The following FARP1 variants were observed in gnomAD, a reference collection of about 807,000 sequenced individuals.
FARP1 encodes FERM, ARH/RhoGEF and pleckstrin domain protein 1, also known as FERM, ARHGEF and pleckstrin domain-containing protein 1.
In FARP1, 52 loss-of-function variants were observed where a neutral mutation model predicts 128.8. The ratio of observed to expected loss-of-function variants is 0.40; its 90% CI spans 0.32 to 0.51. The LOEUF is 0.51. Ranked by LOEUF, FARP1 falls within the 20% of genes least tolerant of loss-of-function variation. FARP1 has a pLI of 0.45. For synonymous variants in FARP1, 580 were observed against 551.8 expected, an observed-to-expected ratio of 1.05 and a Z score of -0.72; for missense variants, 1,333 against 1,367.9, an observed-to-expected ratio of 0.97 and a Z score of 0.40.
chr13:98,171,203 C>A lies in FARP1; in HGVS notation c.-24+27711C>A, dbSNP rs369164278. 5.2e-4 allele frequency among the ~76,000 whole-genome samples: 79 copies of A among 152,326 alleles called. No individual in the cohort carries two copies. The South Asian group carries it at 0.016, about 31-fold the overall frequency. ...CATTTTCAGCCCTGAATTACACACACCCTCTTCGTCATTGTGCCTGGCGTA... is the reference window on the plus strand; with the variant it reads ...CATTTTCAGCCCTGAATTACACACAACCTCTTCGTCATTGTGCCTGGCGTA... On this transcript the variant is annotated intron_variant, in intron 1 of 26. Coordinates refer to ENST00000319562, the MANE Select transcript of FARP1 (RefSeq NM_005766.4).
intron 7 of FARP1, 140 bp downstream of exon 7, chr13:98,384,984 C>T (rs1309645197): frequency 3.2e-6 from 2 of 620,030 alleles, no homozygotes; most frequent in East Asian, 2.7e-5. Flanking sequence ...ATCACAGAGG[C>T]TCATTGGGAT....
chr13:98,310,077 C>T (rs1376994913), intron 2 of FARP1, among the ~76,000 whole-genome samples: 3 of 54,418 alleles, frequency 5.5e-5, no homozygotes, highest in Non-Finnish European at 9.4e-5. Flanking sequence ...TAATAGATTA[C>T]ATGTTTTTTT....
Position 98,454,922 on chromosome 13 carries a change from A to G in FARP1, c.*6605A>G, listed in dbSNP as rs1365615255. 6.6e-6 allele frequency: 1 copy of G among 152,300 alleles called. No individual in the cohort carries two copies. Among genetic ancestry groups the G allele is most frequent in the African/African-American group, 2.4e-5 (1 of 41,462 alleles). 9.4% of individuals were successfully genotyped at this position (152,300 alleles called of 1,614,324 possible). ...AGAGAGCACCAACTTGGCTTCCCCC[A>G]TGCATCACTGCAAAGTAAAGTTTTA... On this transcript the variant is annotated 3_prime_UTR_variant, in exon 27 of 27. Transcript: ENST00000319562.
intron 1 of FARP1, among the ~76,000 whole-genome samples, chr13:98,151,630 G>A (rs1236843080): frequency 1.4e-5 from 2 of 139,048 alleles, no homozygotes; most frequent in Non-Finnish European, 3.1e-5. Flanking sequence ...TTGTTGAAGC[G>A]AGACAAACCT....
intron 2 of FARP1, among the ~76,000 whole-genome samples, chr13:98,222,933 GC>G (rs1031170153): frequency 2.0e-5 from 3 of 152,038 alleles, no homozygotes; most frequent in Admixed American, 2.0e-4. Context: ...ACCGTGCCTG[GC>G]CGGAAGGTGC....
At chr13:98,207,541 C>T (rs964828226) in intron 1 of FARP1, among the ~76,000 whole-genome samples, 1 of 151,938 alleles carries the variant, frequency 6.6e-6, no homozygotes, top group Admixed American at 6.6e-5. Context: ...CTGCCGTCAT[C>T]GGCTCCCTGG....
intron 16 of FARP1, 102 bp downstream of exon 16, chr13:98,412,136 G>C: frequency 8.7e-7 from 1 of 1,145,640 alleles, no homozygotes; most frequent in South Asian, 1.4e-5. Context: ...AAAGATGAAA[G>C]GCAGGAAACT....
intron 2 of FARP1, among the ~76,000 whole-genome samples, chr13:98,293,816 G>A (rs556686325): frequency 6.6e-6 from 1 of 152,234 alleles, no homozygotes; most frequent in South Asian, 2.1e-4. Flanking sequence ...GGAAGAAAGG[G>A]CCAGGCATCC....
intron 1 of FARP1, among the ~76,000 whole-genome samples, chr13:98,208,045 C>A (rs900723010): frequency 1.3e-5 from 2 of 150,634 alleles, no homozygotes; most frequent in African/African-American, 2.4e-5. Flanking sequence ...TCTAGATTAA[C>A]CAGGCTGGTC....
intron 2 of FARP1, among the ~76,000 whole-genome samples, chr13:98,333,436 T>TACACAA (rs1887598052): frequency 7.2e-6 from 1 of 139,664 alleles, no homozygotes; most frequent in African/African-American, 2.7e-5. Context: ...CCCCCACATG[T>TACACAA]ACACACACAC....
At chr13:98,398,631 G>T (rs1445280213) in intron 13 of FARP1, 1 of 152,280 alleles carries the variant, frequency 6.6e-6, no homozygotes, top group East Asian at 1.9e-4. Flanking sequence ...GCCATAATAG[G>T]TGGGAAGAAC....
chr13:98,400,489 T>C (rs1890718299), intron 13 of FARP1: 1 of 152,260 alleles, frequency 6.6e-6, no homozygotes, highest in African/African-American at 2.4e-5. Context: ...TTATTCCGTA[T>C]TTCAGCACAG....
chr13:98,439,339 T>C lies in FARP1; in HGVS notation c.2433+143T>C. On this transcript the variant is annotated intron_variant, in intron 21 of 26. Transcript: ENST00000319562. Reference sequence around the variant, plus strand: ...GGCATCTTGGTTACAAGACATGGGCTCAAAGACCATCGAAGACCATACAAC... The same window carrying C: ...GGCATCTTGGTTACAAGACATGGGCCCAAAGACCATCGAAGACCATACAAC... 4 of 626,604 alleles carry C rather than the reference T, an allele frequency of 6.4e-6. No homozygotes were observed. In the Middle Eastern group the frequency reaches 1.4e-3, roughly 221 times the overall value. 38.8% of individuals were successfully genotyped at this position (626,604 alleles called of 1,614,324 possible). A position where few individuals can be genotyped will look rare whatever the true frequency, so the allele number is the denominator to read the frequency against.
At chr13:98,293,209 A>T (rs1885524706) in intron 2 of FARP1, among the ~76,000 whole-genome samples, 1 of 152,210 alleles carries the variant, frequency 6.6e-6, no homozygotes, top group South Asian at 2.1e-4. Context: ...TAGCATAAAG[A>T]GCAGGCAAAG....
At chr13:98,361,601 C>A (rs1888875410) in intron 3 of FARP1, among the ~76,000 whole-genome samples, 1 of 152,170 alleles carries the variant, frequency 6.6e-6, no homozygotes, top group Non-Finnish European at 1.5e-5. Context: ...CCCTCTCAGG[C>A]AGCATGACAG....
intron 1 of FARP1, among the ~76,000 whole-genome samples, chr13:98,203,304 A>T (rs1362692335): frequency 6.6e-6 from 1 of 152,196 alleles, no homozygotes; most frequent in Non-Finnish European, 1.5e-5. Flanking sequence ...AAAGGTTTTT[A>T]GTCAGTTTAC....
chr13:98,255,014 G>A (rs4477549), intron 2 of FARP1, among the ~76,000 whole-genome samples: 138,308 of 152,020 alleles, frequency 0.91, 62,935 homozygotes, highest in South Asian at 0.94. Flanking sequence ...GGAGCAATTT[G>A]TGAAACAATG....
chr13:98,208,495 A>AACC (rs1880441599), intron 1 of FARP1: 3 of 147,276 alleles, frequency 2.0e-5, no homozygotes, highest in Non-Finnish European at 1.5e-5. Flanking sequence ...AAAAAAAAGC[A>AACC]GTTCTCAGAT....
At chr13:98,286,863 T>C (rs915403023) in intron 2 of FARP1, among the ~76,000 whole-genome samples, 18 of 152,338 alleles carry the variant, frequency 1.2e-4, no homozygotes, top group African/African-American at 4.3e-4. Context: ...AATTTTGGAT[T>C]GATGGGCTTC....
Sources: gnomAD v4.1 joint callset for allele counts (sites outside exome capture counted in the v4.1 genomes callset) on GRCh38, gnomAD v4.1.1 for gene constraint, MANE v1.5 for transcripts, NCBI Gene and HGNC (gene_info 2026-07-23, HGNC 2026-07-21) for gene names.